TEAD4: variants seen among roughly 807,000 people sequenced by gnomAD.
TEAD4 encodes the protein TEA domain transcription factor 4, also known as transcriptional enhancer factor TEF-3.
In TEAD4, 36 loss-of-function variants were observed where a neutral mutation model predicts 52.4. That is an observed-to-expected ratio of 0.69 (90% CI 0.53 to 0.91). The LOEUF (loss-of-function observed/expected upper bound fraction) is 0.91, where lower values mean the gene tolerates loss of function less well. TEAD4 is among the 40% of genes least tolerant of loss of function. TEAD4 has a pLI of 0.00. For synonymous variants in TEAD4, 220 were observed against 231.0 expected, an observed-to-expected ratio of 0.95 and a Z score of 0.43; for missense variants, 508 against 583.9, an observed-to-expected ratio of 0.87 and a Z score of 1.34.
chr12:2,964,440 G>C (rs931094101), intron 2 of TEAD4, among the ~76,000 whole-genome samples: 13 of 151,796 alleles, frequency 8.6e-5, no homozygotes, highest in African/African-American at 2.9e-4. Flanking sequence ...GCTGGACAAC[G>C]TGAGGGATTT....
chr12:3,025,022 A>G (rs1468888097), intron 10 of TEAD4, among the ~76,000 whole-genome samples: 2 of 150,816 alleles, frequency 1.3e-5, no homozygotes, highest in African/African-American at 4.9e-5. Context: ...TCGGCTCACT[A>G]CAACCTGTAC....
rs186529019 is a variant in TEAD4, at chr12:3,001,634, G to C, written c.226+6642G>C. ...AAAATACAAAATTACAAAATTAGCC[G>C]GGTGTGGTGGTGTGCATCTGTAGTC... On this transcript the variant is annotated intron_variant, in intron 3 of 12. Transcript: ENST00000359864. Among the ~76,000 whole-genome samples, 3 of 152,026 alleles carry C rather than the reference G, an allele frequency of 2.0e-5. No homozygotes were observed. In the South Asian group the frequency reaches 6.3e-4, roughly 32 times the overall value.
At position 3,021,913 on chromosome 12, in the gene TEAD4, G is replaced by A. The variant is rs201149385; in HGVS notation, c.793G>A (p.Val265Met). ...CTACAGCGACCCCTACCTCGAAGCC[G>A]TGGACATCCGCCAAATCTATGACAA... Residue 265 changes from valine (V) to methionine (M), a missense_variant, in exon 10 of 13, where the codon GTG becomes ATG. By Grantham distance (21) the Val-to-Met change is conservative. Transcript: ENST00000359864. The A allele has an allele frequency of 3.1e-6, 5 of 1,614,252 alleles. No homozygotes were observed. Among genetic ancestry groups the A allele is most frequent in the African/African-American group, 2.7e-5 (2 of 75,060 alleles).
At chr12:2,998,788 C>G (rs1016755952) in intron 3 of TEAD4, among the ~76,000 whole-genome samples, 1 of 152,180 alleles carries the variant, frequency 6.6e-6, no homozygotes, top group Non-Finnish European at 1.5e-5. Flanking sequence ...TGCCTCCGAG[C>G]TTGGCGTTCC....
chr12:2,962,564 A>G (rs928895478), intron 2 of TEAD4, among the ~76,000 whole-genome samples: 5 of 151,532 alleles, frequency 3.3e-5, no homozygotes, highest in East Asian at 1.9e-4. Context: ...CCAACTCCCA[A>G]CCTCAGGTGA....
chr12:3,032,531 G>A (rs1270966551), intron 10 of TEAD4, among the ~76,000 whole-genome samples: 1 of 152,212 alleles, frequency 6.6e-6, no homozygotes, highest in Non-Finnish European at 1.5e-5. Context: ...TACCACTTGA[G>A]AACTGTGTCC....
chr12:3,003,850 G>A (rs1213718771), intron 3 of TEAD4, among the ~76,000 whole-genome samples: 5 of 152,216 alleles, frequency 3.3e-5, no homozygotes, highest in African/African-American at 1.2e-4. Flanking sequence ...GCCACCAGAG[G>A]GAGAAGCCTG....
intron 2 of TEAD4, among the ~76,000 whole-genome samples, chr12:2,989,380 A>C (rs2098241267): frequency 6.6e-6 from 1 of 152,082 alleles, no homozygotes; most frequent in South Asian, 2.1e-4. Flanking sequence ...TCTTTTAACA[A>C]TTTGGTGATG....
At chr12:3,022,225 G>C (rs141540653) in intron 10 of TEAD4, among the ~76,000 whole-genome samples, 200 of 152,312 alleles carry the variant, frequency 1.3e-3, no homozygotes, top group African/African-American at 3.7e-3. Flanking sequence ...TGGCCTAGTC[G>C]AACGAGGCCT....
chr12:2,971,727 G>A (rs910171559), intron 2 of TEAD4, among the ~76,000 whole-genome samples: 1 of 151,492 alleles, frequency 6.6e-6, no homozygotes, highest in Non-Finnish European at 1.5e-5. Flanking sequence ...TGCCCGCCAC[G>A]GCCTCCCAAA....
In TEAD4 at chr12:3,040,168, G is replaced by A; in HGVS notation, c.1100G>A (p.Cys367Tyr). 1 of 1,614,220 alleles carries A rather than the reference G, an allele frequency of 6.2e-7. No homozygotes were observed. Among genetic ancestry groups the A allele is most frequent in the Non-Finnish European group, 8.5e-7 (1 of 1,180,046 alleles). ...TACCGCATCCACCGGTCCCCGCTCT[G>A]TGAGTACATGATCAACTTCATCCAC... Residue 367 changes from cysteine to tyrosine, a missense_variant, in exon 12 of 13, where the codon TGT (cysteine) becomes TAT (tyrosine). By Grantham distance (194) the Cys-to-Tyr change is radical (BLOSUM62 -2). Transcript: ENST00000359864.
chr12:2,995,099 C>T, intron 3 of TEAD4, 107 bp downstream of exon 3: 1 of 1,378,960 alleles, frequency 7.3e-7, no homozygotes, highest in Non-Finnish European at 9.7e-7. Flanking sequence ...CCACTTGGGG[C>T]TTTGTCGGGT....
intron 10 of TEAD4, among the ~76,000 whole-genome samples, chr12:3,024,359 C>T (rs1408821484): frequency 6.6e-6 from 1 of 152,182 alleles, no homozygotes; most frequent in Non-Finnish European, 1.5e-5. Context: ...CATTTTTTGA[C>T]AATGTAGATT....
chr12:3,016,603 G>A (rs61918009), intron 5 of TEAD4, among the ~76,000 whole-genome samples: 3 of 146,354 alleles, frequency 2.0e-5, no homozygotes, highest in African/African-American at 5.1e-5. Flanking sequence ...CCCTGTCTCT[G>A]GAAAAAAAAA....
intron 6 of TEAD4, among the ~76,000 whole-genome samples, chr12:3,018,122 T>G (rs964974954): frequency 2.1e-4 from 32 of 152,214 alleles, no homozygotes; most frequent in African/African-American, 7.7e-4. Flanking sequence ...GAAGGGGCAG[T>G]GCCAGGCCAC....
At chr12:3,007,344 C>T (rs1359102923) in intron 3 of TEAD4, among the ~76,000 whole-genome samples, 1 of 152,222 alleles carries the variant, frequency 6.6e-6, no homozygotes, top group Non-Finnish European at 1.5e-5. Flanking sequence ...GTTCCATTAA[C>T]TAAGCATCCT....
At chr12:3,020,504 C>G in intron 8 of TEAD4, 130 bp from the exon 9 acceptor site, 1 of 1,166,282 alleles carries the variant, frequency 8.6e-7, no homozygotes, top group South Asian at 2.3e-5. Flanking sequence ...GCTAGGAGGT[C>G]CATTTAGGGA....
At chr12:3,009,662 T>C (rs1253230621) in intron 3 of TEAD4, among the ~76,000 whole-genome samples, 1 of 152,196 alleles carries the variant, frequency 6.6e-6, no homozygotes, top group Non-Finnish European at 1.5e-5. Flanking sequence ...GACCGTTCAC[T>C]GGACCGCCAA....
chr12:3,000,122 A>G (rs2098250520), intron 3 of TEAD4, among the ~76,000 whole-genome samples: 1 of 152,094 alleles, frequency 6.6e-6, no homozygotes, highest in Non-Finnish European at 1.5e-5. Flanking sequence ...TTCATGGTCT[A>G]ATGAGAGGGG....
Sources: gnomAD v4.1 joint callset for allele counts (sites outside exome capture counted in the v4.1 genomes callset) on GRCh38, gnomAD v4.1.1 for gene constraint, MANE v1.5 for transcripts, NCBI Gene and HGNC (gene_info 2026-07-23, HGNC 2026-07-21) for gene names.